The following FBXL17 variants were observed in gnomAD, a reference collection of about 807,000 sequenced individuals.
FBXL17 encodes the protein F-box/LRR-repeat protein 17.
Under a neutral mutation model 66.2 loss-of-function variants are expected in FBXL17, and 22 were observed. The observed-to-expected ratio is 0.33, with a 90% CI of 0.24 to 0.47. FBXL17 has a LOEUF of 0.47. FBXL17 is among the 20% of genes least tolerant of loss of function. The pLI is 1.00. For synonymous variants in FBXL17, 474 were observed against 400.5 expected (o/e 1.18, Z -2.19); for missense variants, 878 against 948.2 (o/e 0.93, Z 0.97).
chr5:107,898,237 CCATAAACA>C (rs1422673494), intron 7 of FBXL17, among the ~76,000 whole-genome samples: 5 of 151,808 alleles, frequency 3.3e-5, no homozygotes, highest in African/African-American at 4.8e-5. Context: ...AGAATTGGTA[CCATAAACA>C]CTTTTAGTGA....
chr5:107,992,156 G>A (rs1483701938), intron 7 of FBXL17, among the ~76,000 whole-genome samples: 1 of 151,606 alleles, frequency 6.6e-6, no homozygotes, highest in Non-Finnish European at 1.5e-5. Context: ...GGGGCAGGTA[G>A]GTGATCATTT....
At chr5:107,879,635 T>C in intron 8 of FBXL17, 9 of 985,454 alleles carry the variant, frequency 9.1e-6, no homozygotes, top group Non-Finnish European at 1.1e-5. Flanking sequence ...CACAAGAGCT[T>C]TGGGCCATAC....
chr5:107,978,539 G>A (rs576430701), intron 7 of FBXL17, among the ~76,000 whole-genome samples: 20 of 152,106 alleles, frequency 1.3e-4, no homozygotes, highest in Non-Finnish European at 2.9e-4. Flanking sequence ...GACCTTTCGA[G>A]ATGTTTTTTC....
intron 5 of FBXL17, among the ~76,000 whole-genome samples, chr5:108,210,517 T>C (rs1192735590): frequency 6.6e-6 from 1 of 152,236 alleles, no homozygotes; most frequent in Non-Finnish European, 1.5e-5. Flanking sequence ...TGTGTCTTCA[T>C]TCTCATTGGT....
At chr5:108,307,953 T>C (rs1232712983) in intron 4 of FBXL17, among the ~76,000 whole-genome samples, 1 of 152,168 alleles carries the variant, frequency 6.6e-6, no homozygotes, top group Non-Finnish European at 1.5e-5. Flanking sequence ...TTCATTTAAG[T>C]AGTGTGTAAC....
At chr5:108,148,801 T>C (rs990470046) in intron 6 of FBXL17, among the ~76,000 whole-genome samples, 5 of 152,200 alleles carry the variant, frequency 3.3e-5, no homozygotes, top group Non-Finnish European at 4.4e-5. Flanking sequence ...CAGTAGCATA[T>C]GTAATTCTGA....
At chr5:107,890,213 GA>G (rs1749151075) in intron 7 of FBXL17, among the ~76,000 whole-genome samples, 1 of 152,108 alleles carries the variant, frequency 6.6e-6, no homozygotes, top group Non-Finnish European at 1.5e-5. Flanking sequence ...TATGAGAAGT[GA>G]ATTCTGGGTT....
chr5:107,863,203 A>G (rs1331992543), intron 8 of FBXL17, among the ~76,000 whole-genome samples: 1 of 151,478 alleles, frequency 6.6e-6, no homozygotes, highest in Non-Finnish European at 1.5e-5. Flanking sequence ...TGAATTTAAT[A>G]TAATTTAAAT....
chr5:108,273,182 G>A (rs1196101492), intron 4 of FBXL17, among the ~76,000 whole-genome samples: 1 of 152,068 alleles, frequency 6.6e-6, no homozygotes, highest in South Asian at 2.1e-4. Flanking sequence ...GAGGCAGGGC[G>A]AGATCACAGG....
chr5:108,075,852 A>G (rs1369400702), intron 6 of FBXL17, among the ~76,000 whole-genome samples: 1 of 152,044 alleles, frequency 6.6e-6, no homozygotes, highest in African/African-American at 2.4e-5. Flanking sequence ...TCATGTCATT[A>G]TTTGTGTTTG....
chr5:108,357,644 G>A (rs10477892), intron 3 of FBXL17, among the ~76,000 whole-genome samples: 127,835 of 151,878 alleles, frequency 0.84, 53,951 homozygotes, highest in African/African-American at 0.9. Context: ...CTCTCATACT[G>A]CAATAGAAAT....
intron 1 of FBXL17, among the ~76,000 whole-genome samples, chr5:108,376,077 C>A (rs180789650): frequency 6.6e-6 from 1 of 152,286 alleles, no homozygotes; most frequent in Admixed American, 6.5e-5. Flanking sequence ...AAATCTAATA[C>A]CCTTTCTTGA....
chr5:108,378,270 TTTAAATTC>T (rs1749585416), intron 1 of FBXL17, among the ~76,000 whole-genome samples: 1 of 152,150 alleles, frequency 6.6e-6, no homozygotes, highest in African/African-American at 2.4e-5. Context: ...AAAAACATCC[TTTAAATTC>T]TTAAACATCC....
chr5:107,863,558 T>C (rs1196808063), intron 8 of FBXL17, among the ~76,000 whole-genome samples: 2 of 142,006 alleles, frequency 1.4e-5, no homozygotes, highest in African/African-American at 4.9e-5. Context: ...ACTCTTTCAA[T>C]ACTCCCTACT....
intron 6 of FBXL17, among the ~76,000 whole-genome samples, chr5:108,122,141 T>G (rs188965396): frequency 2.7e-4 from 41 of 152,216 alleles, no homozygotes; most frequent in Admixed American, 2.5e-3. Context: ...ACTATATATA[T>G]CATAATATTA....
intron 7 of FBXL17, among the ~76,000 whole-genome samples, chr5:108,011,392 A>C (rs1467093043): frequency 1.3e-5 from 2 of 152,132 alleles, no homozygotes; most frequent in Non-Finnish European, 2.9e-5. Context: ...TGTATCTCGG[A>C]AAATAAGGAA....
chr5:108,197,709 A>G (rs1265399135), intron 5 of FBXL17, among the ~76,000 whole-genome samples: 1 of 152,166 alleles, frequency 6.6e-6, no homozygotes, highest in Non-Finnish European at 1.5e-5. Flanking sequence ...CAAAGGAATG[A>G]TAGTAATGAT....
chr5:108,307,836 T>C (rs930016523), intron 4 of FBXL17, among the ~76,000 whole-genome samples: 1 of 152,104 alleles, frequency 6.6e-6, no homozygotes, highest in Admixed American at 6.6e-5. Context: ...TACATTGTTA[T>C]AAAACATCAA....
At chr5:107,862,959 T>C (rs1329890086) in intron 8 of FBXL17, among the ~76,000 whole-genome samples, 1 of 151,494 alleles carries the variant, frequency 6.6e-6, no homozygotes. Context: ...TTTACATTAT[T>C]GAGAGTTGAT....
Sources: allele counts gnomAD v4.1 joint callset (sites outside exome capture counted in the v4.1 genomes callset), GRCh38; gene constraint gnomAD v4.1.1; transcripts MANE v1.5; gene names NCBI Gene and HGNC (gene_info 2026-07-23, HGNC 2026-07-21).